Variants in SLC8A3 observed in about 807,000 individuals in gnomAD.
SLC8A3 encodes the protein solute carrier family 8 member A3, also known as sodium/calcium exchanger 3.
In SLC8A3, 37 loss-of-function variants were observed where a neutral mutation model predicts 65.4. The ratio of observed to expected loss-of-function variants is 0.57; its 90% CI spans 0.44 to 0.74. The LOEUF (loss-of-function observed/expected upper bound fraction) is 0.74, where lower values mean the gene tolerates loss of function less well. Among genes scored for constraint, SLC8A3 ranks in the 30% least tolerant of loss-of-function variants. SLC8A3 has a pLI of 0.00. For missense variants in SLC8A3, 1,112 were observed against 1,172.1 expected (o/e 0.95, Z 0.75); for synonymous variants, 461 against 444.5 (o/e 1.04, Z -0.47).
chr14:70,072,656 T>C (rs1339849054), intron 2 of SLC8A3, among the ~76,000 whole-genome samples: 3 of 150,656 alleles, frequency 2.0e-5, no homozygotes, highest in Non-Finnish European at 2.9e-5. Context: ...ACTTTTCTTT[T>C]TTTGTGAGAG....
chr14:70,162,132 A>G lies in SLC8A3; in HGVS notation c.1784+4507T>C, dbSNP rs142369271. On this transcript the variant is annotated intron_variant, in intron 2 of 6. Transcript: ENST00000356921. ...TATTCTTAGTTAAGACATTAGTCAC[A>G]TAATACTCCCGGACTCACACTTCCA... Among the ~76,000 whole-genome samples, 97 of 152,358 alleles carry G rather than the reference A, an allele frequency of 6.4e-4. No individual in the cohort carries two copies. In the East Asian group the frequency reaches 0.013, roughly 21 times the overall value.
chr14:70,086,708 T>TC (rs374203067), intron 2 of SLC8A3, among the ~76,000 whole-genome samples: 56 of 152,266 alleles, frequency 3.7e-4, no homozygotes, highest in African/African-American at 1.3e-3. Flanking sequence ...TCTTTTTTTT[T>TC]CTAAGACAAT....
intron 1 of SLC8A3, among the ~76,000 whole-genome samples, chr14:70,182,687 T>C (rs1322068998): frequency 6.6e-6 from 1 of 151,972 alleles, no homozygotes; most frequent in African/African-American, 2.4e-5. Flanking sequence ...GGATGAGTGA[T>C]GAGAAAATAG....
chr14:70,091,430 A>T (rs1566773395), intron 2 of SLC8A3, among the ~76,000 whole-genome samples: 1 of 151,762 alleles, frequency 6.6e-6, no homozygotes, highest in Non-Finnish European at 1.5e-5. Context: ...CTTCCTACAA[A>T]CCCTGGCTCT....
rs1022951827 is a variant in SLC8A3 at position 70,168,493 on chromosome 14, G to T, written c.-62-9C>A. On this transcript the variant is annotated splice_polypyrimidine_tract_variant and intron_variant, in intron 1 of 6. Transcript: ENST00000356921. ...CCTGATAGGCCAGAGACCTAGAAAA[G>T]ATCAGAGAGGCAGGAAAAGGCATGA... The T allele has an allele frequency of 4.7e-6, 6 of 1,272,834 alleles. No individual in the cohort carries two copies. The highest frequency in any genetic ancestry group is 6.6e-6 in the Non-Finnish European group (6 of 914,736). The allele number at this position is 1,272,834 out of a possible 1,614,324, so 78.8% of individuals were successfully genotyped here.
intron 1 of SLC8A3, among the ~76,000 whole-genome samples, chr14:70,177,063 T>C (rs555199751): frequency 6.6e-6 from 1 of 152,362 alleles, no homozygotes; most frequent in East Asian, 1.9e-4. Flanking sequence ...GGTTAATTTG[T>C]TCCAAACTCA....
intron 2 of SLC8A3, among the ~76,000 whole-genome samples, chr14:70,154,000 G>T (rs538564512): frequency 6.6e-6 from 1 of 152,346 alleles, no homozygotes; most frequent in East Asian, 1.9e-4. Context: ...ACCAGCTCAG[G>T]TGAGGGTGGG....
intron 2 of SLC8A3, among the ~76,000 whole-genome samples, chr14:70,118,297 C>G (rs1297555176): frequency 1.3e-5 from 2 of 152,218 alleles, no homozygotes; most frequent in Non-Finnish European, 2.9e-5. Flanking sequence ...GGGCAGATTC[C>G]AAATGCTCCT....
intron 2 of SLC8A3, among the ~76,000 whole-genome samples, chr14:70,162,851 T>C (rs1292348911): frequency 6.6e-6 from 1 of 152,230 alleles, no homozygotes; most frequent in Non-Finnish European, 1.5e-5. Flanking sequence ...AAATTAATCA[T>C]GTACCTATCC....
chr14:70,053,961 T>C (rs1337136149), intron 3 of SLC8A3, among the ~76,000 whole-genome samples: 1 of 152,258 alleles, frequency 6.6e-6, no homozygotes, highest in Non-Finnish European at 1.5e-5. Flanking sequence ...TTATAAGTCT[T>C]CAATTTAGAG....
At chr14:70,064,197 T>A (rs1387362711) in intron 2 of SLC8A3, among the ~76,000 whole-genome samples, 1 of 152,156 alleles carries the variant, frequency 6.6e-6, no homozygotes, top group Non-Finnish European at 1.5e-5. Context: ...GGGCTCTGAG[T>A]TCTAATCCTG....
At chr14:70,063,099 T>C (rs1041511324) in intron 2 of SLC8A3, among the ~76,000 whole-genome samples, 1 of 152,146 alleles carries the variant, frequency 6.6e-6, no homozygotes, top group African/African-American at 2.4e-5. Flanking sequence ...GAAGCTTCCA[T>C]TTGGGTCAGG....
At chr14:70,102,494 G>A (rs978703503) in intron 2 of SLC8A3, among the ~76,000 whole-genome samples, 1 of 152,048 alleles carries the variant, frequency 6.6e-6, no homozygotes, top group African/African-American at 2.4e-5. Context: ...GACAGATAAG[G>A]TAAAGATCAC....
chr14:70,146,229 T>C (rs1404692968), intron 2 of SLC8A3, among the ~76,000 whole-genome samples: 4 of 152,174 alleles, frequency 2.6e-5, no homozygotes, highest in Non-Finnish European at 5.9e-5. Context: ...CAGTGGAAGA[T>C]GTGTAATGTC....
intron 2 of SLC8A3, among the ~76,000 whole-genome samples, chr14:70,164,272 C>T (rs1256024757): frequency 6.6e-6 from 1 of 152,080 alleles, no homozygotes; most frequent in East Asian, 1.9e-4. Flanking sequence ...GTACTTAGAA[C>T]CCACGATTTT....
intron 2 of SLC8A3, among the ~76,000 whole-genome samples, chr14:70,063,661 G>C (rs41285486): frequency 0.076 from 11,503 of 152,248 alleles, 523 homozygotes; most frequent in Non-Finnish European, 0.11. Flanking sequence ...AGAGGAGAGG[G>C]AGGAGTGAAA....
chr14:70,125,296 T>G (rs976340037), intron 2 of SLC8A3, among the ~76,000 whole-genome samples: 1 of 152,178 alleles, frequency 6.6e-6, no homozygotes, highest in African/African-American at 2.4e-5. Flanking sequence ...TTGTACTCAT[T>G]AAGTAATTTT....
intron 2 of SLC8A3, among the ~76,000 whole-genome samples, chr14:70,157,216 T>G (rs1896625932): frequency 6.6e-6 from 1 of 152,194 alleles, no homozygotes. Flanking sequence ...GACCTTAGAA[T>G]GTGTGCCAGT....
intron 2 of SLC8A3, among the ~76,000 whole-genome samples, chr14:70,164,020 A>G (rs544577740): frequency 6.6e-6 from 1 of 152,322 alleles, no homozygotes; most frequent in African/African-American, 2.4e-5. Context: ...TAACCTAAAC[A>G]ACTCCACAGT....
Sources: allele counts gnomAD v4.1 joint callset (sites outside exome capture counted in the v4.1 genomes callset), GRCh38; gene constraint gnomAD v4.1.1; transcripts MANE v1.5; gene names NCBI Gene and HGNC (gene_info 2026-07-23, HGNC 2026-07-21).